The following AUTS2 variants were observed in gnomAD, a reference collection of about 807,000 sequenced individuals.
The protein encoded by AUTS2 is activator of transcription and developmental regulator AUTS2, also known as autism susceptibility gene 2 protein.
Under a neutral mutation model 112.4 loss-of-function variants are expected in AUTS2, and 17 were observed. The observed-to-expected ratio is 0.15, with a 90% CI of 0.10 to 0.23. The LOEUF (loss-of-function observed/expected upper bound fraction) is 0.23. Among genes scored for constraint, AUTS2 ranks in the 10% least tolerant of loss-of-function variants. The pLI is 1.00. For synonymous variants in AUTS2, 751 were observed against 702.7 expected (o/e 1.07, Z -1.09); for missense variants, 1,510 against 1,701.6 (o/e 0.89, Z 1.98).
Position 70,732,569 on chromosome 7 carries a change from G to C in AUTS2, c.743-30301G>C, listed in dbSNP as rs191052419. Reference sequence around the variant, plus strand: ...CATTGCGGTGGTGGGGGTTGTGGGGGTGCATCCAGCATGAATTCTCCTTAT... The same window carrying C: ...CATTGCGGTGGTGGGGGTTGTGGGGCTGCATCCAGCATGAATTCTCCTTAT... On this transcript the variant is annotated intron_variant, in intron 6 of 18. Coordinates refer to ENST00000342771, the MANE Select transcript of AUTS2 (RefSeq NM_015570.4). Among the ~76,000 whole-genome samples the C allele has an allele frequency of 5.8e-4, 88 of 152,190 alleles. No individual in the cohort carries two copies. The South Asian group carries it at 5.8e-3, about 10-fold the overall frequency.
In AUTS2 at chr7:70,070,304, C is replaced by A. The variant is rs186623731; in HGVS notation, c.523-47828C>A. Among the ~76,000 whole-genome samples the A allele has an allele frequency of 2.0e-5, 3 of 151,588 alleles. No homozygotes were observed. In the South Asian group the frequency reaches 6.3e-4, roughly 32 times the overall value. On this transcript the variant is annotated intron_variant, in intron 2 of 18. Coordinates refer to ENST00000342771, the MANE Select transcript of AUTS2 (RefSeq NM_015570.4). ...AGAAAGTATTTCAATGGATGCTGGG[C>A]GCAGTGGCCTGTAGTCCCAGCACTT...
chr7:70,663,152 T>C (rs1329712373), intron 5 of AUTS2, among the ~76,000 whole-genome samples: 1 of 152,220 alleles, frequency 6.6e-6, no homozygotes, highest in Non-Finnish European at 1.5e-5. Context: ...CCCAGCACTT[T>C]GGGAGGCCGA....
chr7:70,468,077 T>C (rs935071409), intron 5 of AUTS2, among the ~76,000 whole-genome samples: 2 of 152,152 alleles, frequency 1.3e-5, no homozygotes, highest in Non-Finnish European at 2.9e-5. Flanking sequence ...TTTGTTATTA[T>C]GCGGTTGTTA....
intron 4 of AUTS2, among the ~76,000 whole-genome samples, chr7:70,187,469 A>G (rs12673575): frequency 0.22 from 33,170 of 152,064 alleles, 3,603 homozygotes; most frequent in Middle Eastern, 0.33. Context: ...TGCCTTTCAG[A>G]TATATATAAA....
At chr7:69,737,155 C>T (rs1787064642) in intron 1 of AUTS2, among the ~76,000 whole-genome samples, 2 of 152,086 alleles carry the variant, frequency 1.3e-5, no homozygotes, top group Admixed American at 1.3e-4. Context: ...CAAAGTCCTG[C>T]ACTGTAGATG....
At chr7:69,920,332 A>T (rs568971500) in intron 2 of AUTS2, among the ~76,000 whole-genome samples, 1 of 150,704 alleles carries the variant, frequency 6.6e-6, no homozygotes, top group Non-Finnish European at 1.5e-5. Context: ...TTGCTTTGTC[A>T]CTCAGGTTGA....
At chr7:70,000,347 A>C (rs1179019832) in intron 2 of AUTS2, among the ~76,000 whole-genome samples, 1 of 152,124 alleles carries the variant, frequency 6.6e-6, no homozygotes, top group Non-Finnish European at 1.5e-5. Flanking sequence ...ATTGTACTGT[A>C]ATCATATGTC....
chr7:69,721,391 C>G (rs779507101), intron 1 of AUTS2, among the ~76,000 whole-genome samples: 1 of 152,224 alleles, frequency 6.6e-6, no homozygotes, highest in Non-Finnish European at 1.5e-5. Flanking sequence ...ACACTCTTCC[C>G]TTATTCCGCT....
At chr7:70,312,547 G>C (rs1308067852) in intron 4 of AUTS2, among the ~76,000 whole-genome samples, 1 of 152,174 alleles carries the variant, frequency 6.6e-6, no homozygotes, top group African/African-American at 2.4e-5. Flanking sequence ...GATCTGACAG[G>C]ATGTGGGGTG....
At chr7:70,119,359 GT>G (rs1805560553) in intron 3 of AUTS2, 1 of 147,070 alleles carries the variant, frequency 6.8e-6, no homozygotes, top group Non-Finnish European at 1.5e-5. Flanking sequence ...AATGGATCAA[GT>G]AAAGAGATTT....
At position 70,015,803 on chromosome 7, in the gene AUTS2, C is replaced by CTT. The variant is rs59809437; in HGVS notation, c.523-102315_523-102314dup. On this transcript the variant is annotated intron_variant, in intron 2 of 18. Coordinates refer to ENST00000342771, the MANE Select transcript of AUTS2 (RefSeq NM_015570.4). The stretch of plus-strand genomic sequence containing the variant: ...CTGAATTTTATTCTTTAAATATTCA[C>CTT]TTTTTTTTTTTTTTTAGCATCCAGT... 6.0e-3 allele frequency among the ~76,000 whole-genome samples: 829 copies of CTT among 138,982 alleles called. 5 individuals are homozygous for CTT. The highest frequency in any genetic ancestry group is 9.7e-3 in the Non-Finnish European group (614 of 63,448). 91.2% of individuals were successfully genotyped at this position (138,982 alleles called of 152,430 possible).
At chr7:69,723,185 T>C (rs1370501765) in intron 1 of AUTS2, among the ~76,000 whole-genome samples, 1 of 152,102 alleles carries the variant, frequency 6.6e-6, no homozygotes, top group East Asian at 1.9e-4. Context: ...TCTCCCACTT[T>C]AGCCTTGATC....
intron 5 of AUTS2, among the ~76,000 whole-genome samples, chr7:70,500,037 A>G (rs917428237): frequency 2.0e-5 from 3 of 152,130 alleles, no homozygotes; most frequent in Non-Finnish European, 4.4e-5. Context: ...GAAAATAGAC[A>G]GTGAGTGTAT....
chr7:70,295,468 C>T (rs979501301), intron 4 of AUTS2, among the ~76,000 whole-genome samples: 22 of 152,126 alleles, frequency 1.4e-4, no homozygotes, highest in African/African-American at 4.8e-4. Flanking sequence ...GGCCAGATGT[C>T]CTTTATAAAT....
intron 6 of AUTS2, among the ~76,000 whole-genome samples, chr7:70,754,740 TA>T (rs1273002661): frequency 6.6e-6 from 1 of 152,200 alleles, no homozygotes; most frequent in Non-Finnish European, 1.5e-5. Context: ...GATGGAATAA[TA>T]AAAATAGGAC....
chr7:70,756,068 C>G (rs1045169879), intron 6 of AUTS2, among the ~76,000 whole-genome samples: 1 of 152,092 alleles, frequency 6.6e-6, no homozygotes, highest in Non-Finnish European at 1.5e-5. Context: ...ATGTTTATTT[C>G]TGGATGATGG....
intron 4 of AUTS2, among the ~76,000 whole-genome samples, chr7:70,413,930 C>T (rs1174326354): frequency 6.6e-6 from 1 of 152,154 alleles, no homozygotes; most frequent in Non-Finnish European, 1.5e-5. Context: ...CCGCCTCGGC[C>T]TCCCAAAGCG....
intron 1 of AUTS2, among the ~76,000 whole-genome samples, chr7:69,634,721 C>A (rs1182089963): frequency 1.3e-5 from 2 of 152,102 alleles, no homozygotes; most frequent in African/African-American, 4.8e-5. Flanking sequence ...GGATTTAGAT[C>A]CAAGTGGTCA....
At chr7:70,457,699 A>T (rs1415991814) in intron 5 of AUTS2, among the ~76,000 whole-genome samples, 1 of 152,178 alleles carries the variant, frequency 6.6e-6, no homozygotes, top group African/African-American at 2.4e-5. Flanking sequence ...CAAATGAGTC[A>T]GTCTGCTCAA....
Sources: gnomAD v4.1 joint callset for allele counts (sites outside exome capture counted in the v4.1 genomes callset) on GRCh38, gnomAD v4.1.1 for gene constraint, MANE v1.5 for transcripts, NCBI Gene and HGNC (gene_info 2026-07-23, HGNC 2026-07-21) for gene names.